The following TMX3 variants were observed in gnomAD, a reference collection of about 807,000 sequenced individuals.
TMX3 encodes the protein protein disulfide-isomerase TMX3.
In TMX3, 40 loss-of-function variants were observed where a neutral mutation model predicts 64.4. The ratio of observed to expected loss-of-function variants is 0.62; its 90% CI spans 0.48 to 0.81. The LOEUF (loss-of-function observed/expected upper bound fraction) is 0.81, where lower values mean the gene tolerates loss of function less well. Among genes scored for constraint, TMX3 ranks in the 30% least tolerant of loss-of-function variants. TMX3 has a pLI of 0.00. For missense variants in TMX3, 497 were observed against 534.5 expected (o/e 0.93, Z 0.69); for synonymous variants, 189 against 175.7 (o/e 1.08, Z -0.60).
chr18:68,691,388 CT>C (rs1448933335), intron 8 of TMX3, 27 bp from the exon 9 acceptor site: 2 of 1,405,034 alleles, frequency 1.4e-6, no homozygotes, highest in Non-Finnish European at 1.9e-6. Flanking sequence ...GTTTAAATAA[CT>C]TTTATCACTA....
intron 4 of TMX3, among the ~76,000 whole-genome samples, chr18:68,709,012 G>A (rs967317321): frequency 1.1e-4 from 16 of 152,056 alleles, no homozygotes; most frequent in Admixed American, 1.0e-3. Flanking sequence ...TTCCTAAAAC[G>A]AAATATACAT....
At chr18:68,684,920 T>C (rs1338476259) in intron 10 of TMX3, among the ~76,000 whole-genome samples, 1 of 152,160 alleles carries the variant, frequency 6.6e-6, no homozygotes, top group African/African-American at 2.4e-5. Flanking sequence ...TCTAGAAGAA[T>C]AAGAAAATGG....
chr18:68,686,449 G>A (rs555542023), intron 10 of TMX3, among the ~76,000 whole-genome samples: 3 of 152,248 alleles, frequency 2.0e-5, no homozygotes, highest in African/African-American at 2.4e-5. Flanking sequence ...GGTGGCTCAC[G>A]CCTATAATCC....
chr18:68,685,699 C>T (rs552432192), intron 10 of TMX3, among the ~76,000 whole-genome samples: 11 of 152,178 alleles, frequency 7.2e-5, no homozygotes, highest in South Asian at 4.2e-4. Flanking sequence ...CAAGGCTCTG[C>T]GCTTGTGAAA....
At chr18:68,701,507 C>G (rs1235375587) in intron 5 of TMX3, 27 of 762,142 alleles carry the variant, frequency 3.5e-5, no homozygotes, top group Non-Finnish European at 1.0e-5. Context: ...TTGTCCTGCA[C>G]AGTGCGTGTC....
chr18:68,707,981 G>GTA (rs60665089), intron 4 of TMX3, among the ~76,000 whole-genome samples: 12,373 of 149,160 alleles, frequency 0.083, 1,464 homozygotes, highest in African/African-American at 0.27. Context: ...ACATATATGT[G>GTA]TATGTGTATA....
chr18:68,684,295 A>G, intron 11 of TMX3, 52 bp from the exon 12 acceptor site: 1 of 1,523,772 alleles, frequency 6.6e-7, no homozygotes, highest in Non-Finnish European at 9.0e-7. Flanking sequence ...GAAAAACATA[A>G]TTTTTCAATG....
rs1470140115 is a variant in TMX3, at chr18:68,675,766, TTTGGAAAGAA to T, written c.*1157_*1166del. On this transcript the variant is annotated 3_prime_UTR_variant, in exon 16 of 16. Transcript: ENST00000299608. ...AAAAAAAAGAGTTTTTAGACATTGCTTTGGAAAGAATTCCTGTATTAGTTTATAGAAGATG... is the reference window on the plus strand; with the variant it reads ...AAAAAAAAGAGTTTTTAGACATTGCTTTCCTGTATTAGTTTATAGAAGATG... The T allele has an allele frequency of 6.6e-6, 1 of 152,188 alleles. No individual in the cohort carries two copies. The highest frequency in any genetic ancestry group is 2.4e-5 in the African/African-American group (1 of 41,464). 9.4% of individuals were successfully genotyped at this position (152,188 alleles called of 1,614,324 possible).
chr18:68,699,081 T>C (rs1915418658), intron 6 of TMX3, among the ~76,000 whole-genome samples: 2 of 151,744 alleles, frequency 1.3e-5, no homozygotes, highest in Admixed American at 6.6e-5. Flanking sequence ...GGTGTGTATA[T>C]TACAATACAT....
At chr18:68,710,997 G>C (rs1437421426) in intron 3 of TMX3, among the ~76,000 whole-genome samples, 1 of 152,136 alleles carries the variant, frequency 6.6e-6, no homozygotes, top group African/African-American at 2.4e-5. Context: ...CTTTGACTAA[G>C]TGATATTAAT....
chr18:68,694,219 T>C (rs549646108), intron 8 of TMX3, among the ~76,000 whole-genome samples: 4 of 152,290 alleles, frequency 2.6e-5, no homozygotes, highest in African/African-American at 7.2e-5. Context: ...AGAAGAGCTG[T>C]AACCCTTCTG....
intron 4 of TMX3, among the ~76,000 whole-genome samples, chr18:68,703,212 G>A (rs1471966618): frequency 6.6e-6 from 1 of 152,104 alleles, no homozygotes; most frequent in African/African-American, 2.4e-5. Context: ...AAATTAAGAA[G>A]ACAGGGAAAT....
chr18:68,686,759 A>G, intron 10 of TMX3: 3 of 985,356 alleles, frequency 3.0e-6, no homozygotes, highest in Non-Finnish European at 3.6e-6. Flanking sequence ...GTCCCCGGCA[A>G]CTTCCAATAA....
intron 4 of TMX3, among the ~76,000 whole-genome samples, chr18:68,709,699 A>C (rs2031063437): frequency 6.6e-6 from 1 of 152,164 alleles, no homozygotes. Flanking sequence ...CAGGCTACTC[A>C]GAAAAAAACG....
intron 14 of TMX3, among the ~76,000 whole-genome samples, chr18:68,680,283 C>T (rs893586806): frequency 6.6e-6 from 1 of 152,130 alleles, no homozygotes; most frequent in Non-Finnish European, 1.5e-5. Flanking sequence ...AATGAAGGCG[C>T]TTTCTTTTAA....
intron 2 of TMX3, 48 bp downstream of exon 2, chr18:68,713,798 G>T: frequency 1.1e-6 from 1 of 941,654 alleles, no homozygotes; most frequent in Non-Finnish European, 1.5e-6. Context: ...TCAGATATCT[G>T]AGTTGGACAG....
At chr18:68,693,852 C>A (rs908533252) in intron 8 of TMX3, among the ~76,000 whole-genome samples, 1 of 152,104 alleles carries the variant, frequency 6.6e-6, no homozygotes, top group African/African-American at 2.4e-5. Context: ...TCACTGATGA[C>A]CATTCAGCCA....
chr18:68,681,420 T>A lies in TMX3; in HGVS notation c.906-310A>T, dbSNP rs987444617. The A allele has an allele frequency of 7.2e-6, 7 of 965,930 alleles. No individual in the cohort carries two copies. In the African/African-American group the frequency reaches 1.2e-4, roughly 17 times the overall value. 59.8% of individuals were successfully genotyped at this position (965,930 alleles called of 1,614,324 possible). On this transcript the variant is annotated intron_variant, in intron 13 of 15. Transcript: ENST00000299608. ...AATTCCTATGGGTGGTCTGCACAAT[T>A]CAAACTTATGTTGTTCAACGGTCAA...
intron 8 of TMX3, among the ~76,000 whole-genome samples, chr18:68,692,766 C>T (rs970467740): frequency 1.3e-5 from 2 of 152,142 alleles, no homozygotes; most frequent in Non-Finnish European, 2.9e-5. Context: ...AACAAACTAG[C>T]TGAGAAGCCC....
Sources: gnomAD v4.1 joint callset for allele counts (sites outside exome capture counted in the v4.1 genomes callset) on GRCh38, gnomAD v4.1.1 for gene constraint, MANE v1.5 for transcripts, NCBI Gene and HGNC (gene_info 2026-07-23, HGNC 2026-07-21) for gene names.